CACNB2: variants seen among roughly 807,000 people sequenced by gnomAD.
The protein encoded by CACNB2 is voltage-dependent L-type calcium channel subunit beta-2.
In CACNB2, 42 loss-of-function variants were observed where a neutral mutation model predicts 73.3. The observed-to-expected ratio is 0.57, with a 90% confidence interval of 0.45 to 0.74. The LOEUF (loss-of-function observed/expected upper bound fraction) is 0.74, where lower values mean the gene tolerates loss of function less well. Among genes scored for constraint, CACNB2 ranks in the 30% least tolerant of loss-of-function variants. The probability of loss-of-function intolerance (pLI) is 0.00; values close to 1 mark genes in which losing one functional copy is unlikely to be tolerated. For synonymous variants in CACNB2, 348 were observed against 310.3 expected, an observed-to-expected ratio of 1.12 and a Z score of -1.28; for missense variants, 940 against 853.0, an observed-to-expected ratio of 1.10 and a Z score of -1.27.
chr10:18,172,223 G>A (rs2033293948), intron 2 of CACNB2, among the ~76,000 whole-genome samples: 1 of 152,164 alleles, frequency 6.6e-6, no homozygotes, highest in Admixed American at 6.5e-5. Flanking sequence ...AATTAGCCGA[G>A]TGTAGTGGCA....
intron 2 of CACNB2, among the ~76,000 whole-genome samples, chr10:18,278,779 G>A (rs1289213118): frequency 3.3e-5 from 5 of 152,052 alleles, no homozygotes; most frequent in Non-Finnish European, 7.4e-5. Flanking sequence ...ACTTTTGGGG[G>A]CCGAGGCGGG....
intron 2 of CACNB2, among the ~76,000 whole-genome samples, chr10:18,303,052 G>A (rs117265307): frequency 1.4e-4 from 22 of 152,168 alleles, no homozygotes; most frequent in African/African-American, 4.1e-4. Flanking sequence ...CCTTAGACTC[G>A]TTAGTCTCAT....
chr10:18,146,004 C>T (rs575183153), intron 1 of CACNB2, among the ~76,000 whole-genome samples: 3 of 152,232 alleles, frequency 2.0e-5, no homozygotes, highest in Middle Eastern at 3.4e-3. Context: ...CCACCCCCAT[C>T]CCCAAGAACT....
At chr10:18,141,805 G>A (rs570123270) in intron 1 of CACNB2, among the ~76,000 whole-genome samples, 1 of 152,340 alleles carries the variant, frequency 6.6e-6, no homozygotes, top group East Asian at 1.9e-4. Flanking sequence ...GCTGGCTGTT[G>A]GCTGGCCAGT....
intron 3 of CACNB2, among the ~76,000 whole-genome samples, chr10:18,483,299 G>A (rs1290699167): frequency 6.6e-6 from 1 of 151,778 alleles, no homozygotes. Context: ...GGGAGGCCGA[G>A]GCCGGTGGAT....
At chr10:18,343,411 G>A (rs964458557) in intron 2 of CACNB2, among the ~76,000 whole-genome samples, 8 of 152,002 alleles carry the variant, frequency 5.3e-5, no homozygotes, top group Non-Finnish European at 8.8e-5. Flanking sequence ...ATACTAAACC[G>A]TCCCCTAAAT....
intron 3 of CACNB2, among the ~76,000 whole-genome samples, chr10:18,474,291 T>G (rs1321939858): frequency 6.6e-6 from 1 of 152,140 alleles, no homozygotes; most frequent in Admixed American, 6.6e-5. Flanking sequence ...AGGGGGACTC[T>G]CAGGGACAGT....
chr10:18,251,861 A>G (rs1454971715), intron 2 of CACNB2, among the ~76,000 whole-genome samples: 1 of 152,104 alleles, frequency 6.6e-6, no homozygotes, highest in African/African-American at 2.4e-5. Flanking sequence ...CAAGGGGGAA[A>G]TCTGCCCCCA....
chr10:18,443,799 C>T (rs2046597560), intron 3 of CACNB2, among the ~76,000 whole-genome samples: 1 of 151,328 alleles, frequency 6.6e-6, no homozygotes, highest in Admixed American at 6.6e-5. Context: ...ACTGAAACCT[C>T]CACCTCCCAG....
intron 10 of CACNB2, chr10:18,531,998 G>A (rs952755149): frequency 6.6e-6 from 1 of 152,152 alleles, no homozygotes; most frequent in African/African-American, 2.4e-5. Context: ...TTTCAGAAAC[G>A]AACATTGGGG....
At chr10:18,287,569 G>T (rs978503929) in intron 2 of CACNB2, among the ~76,000 whole-genome samples, 5 of 151,956 alleles carry the variant, frequency 3.3e-5, no homozygotes, top group Non-Finnish European at 7.4e-5. Context: ...TCAAAAACAG[G>T]GCCAGGCGCA....
In CACNB2 at chr10:18,448,479, TAAAAAAAAAA is replaced by T. The variant is rs56255761; in HGVS notation, c.333+46449_333+46458del. On this transcript the variant is annotated intron_variant, in intron 3 of 13. Coordinates refer to ENST00000324631, the MANE Select transcript of CACNB2 (RefSeq NM_201596.3). Reference sequence around the variant, plus strand: ...GACAAGAGCAAAACTCTCTCTCATTTAAAAAAAAAAAAAAAAAAAAAAGAAAAGAAAAGAA... The same window carrying T: ...GACAAGAGCAAAACTCTCTCTCATTTAAAAAAAAAAAAGAAAAGAAAAGAA... Among the ~76,000 whole-genome samples the T allele has an allele frequency of 2.5e-3, 267 of 107,080 alleles. 3 individuals carry two copies. The highest frequency in any genetic ancestry group is 8.5e-3 in the African/African-American group (243 of 28,498). The allele number at this position is 107,080 out of a possible 152,430, so 70.2% of individuals were successfully genotyped here. A position where few individuals can be genotyped will look rare whatever the true frequency, so the allele number is the denominator to read the frequency against.
intron 2 of CACNB2, among the ~76,000 whole-genome samples, chr10:18,253,401 G>T (rs2037164096): frequency 6.6e-6 from 1 of 152,196 alleles, no homozygotes; most frequent in African/African-American, 2.4e-5. Flanking sequence ...AATCTATCAG[G>T]AGTATTTTAT....
chr10:18,156,031 G>T (rs1384277616), intron 2 of CACNB2, among the ~76,000 whole-genome samples: 1 of 151,864 alleles, frequency 6.6e-6, no homozygotes, highest in Non-Finnish European at 1.5e-5. Flanking sequence ...AATTAATTCT[G>T]TAGCAATTTA....
At chr10:18,415,455 G>T (rs1217200608) in intron 3 of CACNB2, among the ~76,000 whole-genome samples, 2 of 132,706 alleles carry the variant, frequency 1.5e-5, no homozygotes, top group African/African-American at 5.9e-5. Flanking sequence ...GACACAGAAA[G>T]ACCTTGTCTC....
chr10:18,401,019 C>T (rs1339276235), intron 2 of CACNB2: 1 of 1,614,024 alleles, frequency 6.2e-7, no homozygotes, highest in East Asian at 2.2e-5. Context: ...ACGATAAAGG[C>T]GCTGTCTGGC....
intron 10 of CACNB2, among the ~76,000 whole-genome samples, chr10:18,531,109 G>A (rs1197143788): frequency 6.6e-6 from 1 of 152,180 alleles, no homozygotes; most frequent in Non-Finnish European, 1.5e-5. Flanking sequence ...TCATACTAGA[G>A]CTACCTCCAG....
chr10:18,408,159 G>T (rs1382476685), intron 3 of CACNB2, among the ~76,000 whole-genome samples: 1 of 150,118 alleles, frequency 6.7e-6, no homozygotes, highest in Non-Finnish European at 1.5e-5. Flanking sequence ...TGAAATTATT[G>T]ACTGCCTTTT....
chr10:18,360,569 C>G (rs2042101811), intron 2 of CACNB2, among the ~76,000 whole-genome samples: 2 of 152,178 alleles, frequency 1.3e-5, no homozygotes, highest in Admixed American at 1.3e-4. Flanking sequence ...TCTAATAATT[C>G]ACTTATCACT....
Sources: allele counts gnomAD v4.1 joint callset (sites outside exome capture counted in the v4.1 genomes callset), GRCh38; gene constraint gnomAD v4.1.1; transcripts MANE v1.5; gene names NCBI Gene and HGNC (gene_info 2026-07-23, HGNC 2026-07-21).